SYPL1: variants seen among roughly 807,000 people sequenced by gnomAD.
SYPL1 encodes the protein synaptophysin-like protein 1.
In SYPL1, 6 loss-of-function variants were observed where a neutral mutation model predicts 23.7. That is an observed-to-expected ratio of 0.25 (90% CI 0.14 to 0.50). SYPL1 has a LOEUF of 0.50. SYPL1 is among the 20% of genes least tolerant of loss of function. SYPL1 has a pLI of 0.98. For synonymous variants in SYPL1, 102 were observed against 104.5 expected (o/e 0.98, Z 0.15); for missense variants, 253 against 288.9 (o/e 0.88, Z 0.90).
chr7:106,105,087 G>A (rs1216945335), intron 1 of SYPL1, among the ~76,000 whole-genome samples: 2 of 152,144 alleles, frequency 1.3e-5, no homozygotes, highest in Non-Finnish European at 2.9e-5. Flanking sequence ...GTCACTTATG[G>A]CAGAGTATGT....
intron 1 of SYPL1, chr7:106,111,802 G>T (rs1279333784): frequency 6.1e-6 from 1 of 163,232 alleles, no homozygotes; most frequent in Non-Finnish European, 1.3e-5. Flanking sequence ...ACCGCAGCAG[G>T]AAGTTTTCCC....
chr7:106,105,607 T>C (rs1840551229), intron 1 of SYPL1, among the ~76,000 whole-genome samples: 1 of 151,172 alleles, frequency 6.6e-6, no homozygotes, highest in African/African-American at 2.4e-5. Context: ...GTCTCCAAAG[T>C]AGACTGGAGT....
chr7:106,106,971 C>T (rs986848021), intron 1 of SYPL1, among the ~76,000 whole-genome samples: 1 of 152,192 alleles, frequency 6.6e-6, no homozygotes, highest in East Asian at 1.9e-4. Flanking sequence ...GTTGTTTACA[C>T]GTTTCTAGTT....
In SYPL1 at chr7:106,097,686, T is replaced by G; in HGVS notation, c.402+4A>C. On this transcript the variant is annotated splice_donor_region_variant and intron_variant, in intron 3 of 4. Coordinates refer to ENST00000455385, the MANE Select transcript of SYPL1 (RefSeq NM_182715.4). The surrounding 1 kb of genome is among the most constrained non-coding windows in gnomAD (Gnocchi z 4.6). ...TGTATTTAAAAAATAAAGTGATTAC[T>G]TACTATCATAGGAAGTTTACGACTA... 6.2e-7 allele frequency: 1 copy of G among 1,602,040 alleles called. No individual in the cohort carries two copies. The highest frequency in any genetic ancestry group is 8.5e-7 in the Non-Finnish European group (1 of 1,174,074).
rs755413292 is a variant in SYPL1, at chr7:106,097,823, A to G, written c.269T>C (p.Ile90Thr). The G allele has an allele frequency of 3.1e-6, 5 of 1,613,998 alleles. No individual in the cohort carries two copies. The South Asian group carries it at 3.3e-5, about 11-fold the overall frequency. The change falls in exon 3 of 5, where the codon ATA becomes ACA. Residue 90 changes from isoleucine to threonine, a missense_variant. Physicochemically the swap from Ile to Thr is moderately conservative, Grantham distance 89. Transcript: ENST00000455385. This position sits in a 1 kb window ranked among gnomAD's most constrained non-coding sequence, Gnocchi z 4.6. ...CDVNWKDYVL[I>T]GDYSSSAQFY... ...TTGTGCAGAAGAAGAGTAATCGCCTATGAGGACGTAATCTTTCCAATTTAC... is the reference window on the plus strand; with the variant it reads ...TTGTGCAGAAGAAGAGTAATCGCCTGTGAGGACGTAATCTTTCCAATTTAC...
At chr7:106,102,694 G>A (rs2116159124) in intron 1 of SYPL1, among the ~76,000 whole-genome samples, 1 of 152,308 alleles carries the variant, frequency 6.6e-6, no homozygotes, top group East Asian at 1.9e-4. Flanking sequence ...CCAGATTCCT[G>A]ACCCACAGAA....
In SYPL1 at chr7:106,090,951, G is replaced by C. The variant is rs1262704583; in HGVS notation, c.*854C>G. The C allele has an allele frequency of 6.6e-6, 1 of 152,136 alleles. No homozygotes were observed. Among genetic ancestry groups the C allele is most frequent in the Non-Finnish European group, 1.5e-5 (1 of 68,020 alleles). The allele number at this position is 152,136 out of a possible 1,614,324, so 9.4% of individuals were successfully genotyped here. On this transcript the variant is annotated 3_prime_UTR_variant, in exon 5 of 5. Coordinates refer to ENST00000455385, the MANE Select transcript of SYPL1 (RefSeq NM_182715.4). ...CTTAATTTTTTTAACCCTTTGACTAGGGTCTGTAAAAAACGGTGGATTATT... is the reference window on the plus strand; with the variant it reads ...CTTAATTTTTTTAACCCTTTGACTACGGTCTGTAAAAAACGGTGGATTATT...
chr7:106,098,745 TA>T (rs1391916527), intron 2 of SYPL1, among the ~76,000 whole-genome samples: 4 of 152,242 alleles, frequency 2.6e-5, no homozygotes, highest in Non-Finnish European at 5.9e-5. Flanking sequence ...TAAAACTATA[TA>T]AAGACATTAA....
chr7:106,104,217 A>G lies in SYPL1; in HGVS notation c.70-4935T>C, dbSNP rs542838119. On this transcript the variant is annotated intron_variant, in intron 1 of 4. Transcript: ENST00000455385. This position sits in a 1 kb window ranked among gnomAD's most constrained non-coding sequence, Gnocchi z 4.1. ...AACTCTATTATATATGAACTCTACTATAGGCATTTTTCTTGTGTAACTTGC... is the reference window on the plus strand; with the variant it reads ...AACTCTATTATATATGAACTCTACTGTAGGCATTTTTCTTGTGTAACTTGC... 6.6e-5 allele frequency among the ~76,000 whole-genome samples: 10 copies of G among 152,182 alleles called. No individual in the cohort carries two copies. In the South Asian group the frequency reaches 1.9e-3, roughly 28 times the overall value.
chr7:106,106,300 C>A (rs1180473537), intron 1 of SYPL1, among the ~76,000 whole-genome samples: 1 of 150,860 alleles, frequency 6.6e-6, no homozygotes, highest in Admixed American at 6.6e-5. Flanking sequence ...GTAATCCCAG[C>A]ACTTTGGGAG....
Position 106,097,970 on chromosome 7 carries a change from A to G in SYPL1, c.195-73T>C. On this transcript the variant is annotated intron_variant, in intron 2 of 4. Coordinates refer to ENST00000455385, the MANE Select transcript of SYPL1 (RefSeq NM_182715.4). This position sits in a 1 kb window ranked among gnomAD's most constrained non-coding sequence, Gnocchi z 4.6. ...AAACATTTAAGCAAAACAATGAGTG[A>G]CACTTCAAAAAATACTCCCCAAATA... 1 of 1,260,134 alleles carries G rather than the reference A, an allele frequency of 7.9e-7. No homozygotes were observed. The highest frequency in any genetic ancestry group is 1.1e-6 in the Non-Finnish European group (1 of 904,548). The allele number at this position is 1,260,134 out of a possible 1,614,324, so 78.1% of individuals were successfully genotyped here. A position where few individuals can be genotyped will look rare whatever the true frequency, so the allele number is the denominator to read the frequency against.
rs745436570 is a variant in SYPL1 at position 106,112,174 on chromosome 7, T to G, written c.35A>C (p.Lys12Thr). The G allele has an allele frequency of 1.9e-6, 3 of 1,543,386 alleles. No individual in the cohort carries two copies. The highest frequency in any genetic ancestry group is 2.5e-5 in the East Asian group (1 of 39,796). Residue 12 changes from lysine to threonine, a missense_variant, in exon 1 of 5, where the codon AAG (lysine) becomes ACG (threonine). Lys to Thr is a moderately conservative substitution (Grantham distance 78). Transcript: ENST00000455385. The part of the protein sequence containing the change: ...SGFQINLNPL[K>T]EPLGFIKVLE... Reference sequence around the variant, plus strand: ...GACCTTGATGAAGCCGAGTGGCTCCTTGAGCGGGTTGAGGTTGATCTGGAA... The same window carrying G: ...GACCTTGATGAAGCCGAGTGGCTCCGTGAGCGGGTTGAGGTTGATCTGGAA...
chr7:106,092,538 T>C (rs928228678), intron 4 of SYPL1: 4 of 303,602 alleles, frequency 1.3e-5, no homozygotes, highest in African/African-American at 2.3e-5. Flanking sequence ...CTGGGAGTGG[T>C]GGCACATGCC....
chr7:106,110,326 A>G (rs918981138), intron 1 of SYPL1, among the ~76,000 whole-genome samples: 11 of 152,202 alleles, frequency 7.2e-5, no homozygotes, highest in African/African-American at 9.7e-5. Flanking sequence ...CCACTCCCCA[A>G]GTGAACCAGT....
rs1391615138 is a variant in SYPL1 at position 106,097,306 on chromosome 7, T to C, written c.402+384A>G. ...ATATAATTAAACTCAATAAGTTTTG[T>C]AGAAGTATAAAGTGGGCCTTTAGAG... On this transcript the variant is annotated intron_variant, in intron 3 of 4. Transcript: ENST00000455385. This position sits in a 1 kb window ranked among gnomAD's most constrained non-coding sequence, Gnocchi z 4.6. Among the ~76,000 whole-genome samples the C allele has an allele frequency of 6.6e-6, 1 of 152,210 alleles. No homozygotes were observed. The highest frequency in any genetic ancestry group is 1.5e-5 in the Non-Finnish European group (1 of 68,030).
At chr7:106,093,168 G>C in intron 3 of SYPL1, 31 bp from the exon 4 acceptor site, 1 of 1,528,326 alleles carries the variant, frequency 6.5e-7, no homozygotes, top group South Asian at 1.3e-5. Flanking sequence ...AGTTAATAAT[G>C]AACAGTTAAT....
In SYPL1 at chr7:106,095,752, G is replaced by A. The variant is rs1476063595; in HGVS notation, c.402+1938C>T. On this transcript the variant is annotated intron_variant, in intron 3 of 4. Coordinates refer to ENST00000455385, the MANE Select transcript of SYPL1 (RefSeq NM_182715.4). This position sits in a 1 kb window ranked among gnomAD's most constrained non-coding sequence, Gnocchi z 4.3. ...TTTATAGACAAGAAGCACCCATTAT[G>A]TAACAATAAAAACCTACTTAAGGAA... is the stretch of plus-strand genomic sequence containing the variant. 1.3e-5 allele frequency among the ~76,000 whole-genome samples: 2 copies of A among 152,142 alleles called. No homozygotes were observed. The highest frequency in any genetic ancestry group is 2.9e-5 in the Non-Finnish European group (2 of 68,018).
Position 106,091,712 on chromosome 7 carries a change from T to C in SYPL1, c.*93A>G. On this transcript the variant is annotated 3_prime_UTR_variant, in exon 5 of 5. Coordinates refer to ENST00000455385, the MANE Select transcript of SYPL1 (RefSeq NM_182715.4). The surrounding 1 kb of genome is among the most constrained non-coding windows in gnomAD (Gnocchi z 5.0). ...ACCCACCAATATATTGACAAAGCCA[T>C]TACTTTTATTAGAAACAAATAATGC... 2.9e-6 allele frequency: 4 copies of C among 1,364,404 alleles called. No individual in the cohort carries two copies. The highest frequency in any genetic ancestry group is 3.9e-6 in the Non-Finnish European group (4 of 1,024,618). 84.5% of individuals were successfully genotyped at this position (1,364,404 alleles called of 1,614,324 possible). A position where few individuals can be genotyped will look rare whatever the true frequency, so the allele number is the denominator to read the frequency against.
Position 106,091,998 on chromosome 7 carries a change from T to C in SYPL1, c.592-59A>G. ...TACCTACTTATAAAAATTCATGCCC[T>C]ACTTAAAAATCTCACTTTTTCTTTA... is the stretch of plus-strand genomic sequence containing the variant. On this transcript the variant is annotated intron_variant, in intron 4 of 4. Transcript: ENST00000455385. This position sits in a 1 kb window ranked among gnomAD's most constrained non-coding sequence, Gnocchi z 5.0. 6.7e-7 allele frequency: 1 copy of C among 1,502,166 alleles called. No individual in the cohort carries two copies. The highest frequency in any genetic ancestry group is 8.9e-7 in the Non-Finnish European group (1 of 1,118,072). The allele number at this position is 1,502,166 out of a possible 1,614,324, so 93.1% of individuals were successfully genotyped here. A position where few individuals can be genotyped will look rare whatever the true frequency, so the allele number is the denominator to read the frequency against.
Sources: gnomAD v4.1 joint callset for allele counts (sites outside exome capture counted in the v4.1 genomes callset) on GRCh38, gnomAD v4.1.1 for gene constraint, Gnocchi (gnomAD v3.1) non-coding constraint, MANE v1.5 for transcripts, NCBI Gene and HGNC (gene_info 2026-07-23, HGNC 2026-07-21) for gene names.